The following MAML3 variants were observed in gnomAD, a reference collection of about 807,000 sequenced individuals.
MAML3 encodes the protein mastermind-like protein 3.
In MAML3, 27 loss-of-function variants were observed where a neutral mutation model predicts 101.9. The ratio of observed to expected loss-of-function variants is 0.27; its 90% CI spans 0.20 to 0.37. The LOEUF (loss-of-function observed/expected upper bound fraction) is 0.37, where lower values mean the gene tolerates loss of function less well. Ranked by LOEUF, MAML3 falls within the 10% of genes least tolerant of loss-of-function variation. The probability of loss-of-function intolerance (pLI) is 1.00; values close to 1 mark genes in which losing one functional copy is unlikely to be tolerated. For synonymous variants in MAML3, 501 were observed against 555.9 expected, an observed-to-expected ratio of 0.90 and a Z score of 1.39; for missense variants, 1,316 against 1,444.9, an observed-to-expected ratio of 0.91 and a Z score of 1.45.
chr4:139,968,152 G>A (rs940206362), intron 1 of MAML3, among the ~76,000 whole-genome samples: 8 of 151,436 alleles, frequency 5.3e-5, no homozygotes, highest in East Asian at 1.9e-4. Flanking sequence ...GGGGGCACAC[G>A]CCTATAGTCT....
chr4:139,731,827 G>C (rs1222442397), intron 2 of MAML3, among the ~76,000 whole-genome samples: 1 of 152,196 alleles, frequency 6.6e-6, no homozygotes, highest in African/African-American at 2.4e-5. Context: ...CGAAGTTTAT[G>C]CTCTGAGCTG....
At chr4:139,978,921 GAGCTCTATGACTA>G (rs1734395806) in intron 1 of MAML3, among the ~76,000 whole-genome samples, 1 of 30,784 alleles carries the variant, frequency 3.2e-5, no homozygotes, top group Non-Finnish European at 9.7e-5. Context: ...CACTTTCAAA[GAGCTCTATGACTA>G]CTTTCAAAGA....
intron 2 of MAML3, among the ~76,000 whole-genome samples, chr4:139,816,791 A>G (rs375888364): frequency 1.3e-5 from 2 of 152,062 alleles, no homozygotes; most frequent in East Asian, 1.9e-4. Flanking sequence ...AAAGGGAGAA[A>G]AAGACCTAGA....
intron 1 of MAML3, among the ~76,000 whole-genome samples, chr4:140,039,489 C>A (rs997331230): frequency 6.6e-6 from 1 of 152,202 alleles, no homozygotes; most frequent in African/African-American, 2.4e-5. Flanking sequence ...CATTACCATT[C>A]TCTGAATCAC....
At chr4:139,737,363 G>T (rs374737400) in intron 2 of MAML3, among the ~76,000 whole-genome samples, 2 of 71,584 alleles carry the variant, frequency 2.8e-5, no homozygotes, top group African/African-American at 8.1e-5. Context: ...AACTTGTCTG[G>T]TGGTGGCGTC....
chr4:139,851,673 T>C (rs1043836798), intron 2 of MAML3, among the ~76,000 whole-genome samples: 1 of 152,134 alleles, frequency 6.6e-6, no homozygotes, highest in Non-Finnish European at 1.5e-5. Context: ...AAGTGGAAAA[T>C]GGATTTTGTG....
chr4:139,999,840 G>A (rs1004995593), intron 1 of MAML3, among the ~76,000 whole-genome samples: 2 of 152,162 alleles, frequency 1.3e-5, no homozygotes, highest in Non-Finnish European at 2.9e-5. Context: ...TAAGCCATTT[G>A]GGGCCTCAGT....
intron 2 of MAML3, among the ~76,000 whole-genome samples, chr4:139,745,826 A>G (rs1440415580): frequency 1.3e-5 from 2 of 152,236 alleles, no homozygotes; most frequent in Non-Finnish European, 1.5e-5. Context: ...GTAGGTATAT[A>G]CTGTGAATAT....
chr4:139,926,190 A>G (rs1733255559), intron 1 of MAML3, among the ~76,000 whole-genome samples: 1 of 152,232 alleles, frequency 6.6e-6, no homozygotes. Flanking sequence ...TCTACAAACA[A>G]GTGGAAACAA....
At chr4:139,865,177 G>C (rs1032521612) in intron 2 of MAML3, among the ~76,000 whole-genome samples, 11 of 152,002 alleles carry the variant, frequency 7.2e-5, no homozygotes, top group African/African-American at 2.7e-4. Context: ...TCTCTGTCTA[G>C]CTAAAAATTC....
At chr4:140,079,508 G>T (rs1320659972) in intron 1 of MAML3, among the ~76,000 whole-genome samples, 1 of 152,044 alleles carries the variant, frequency 6.6e-6, no homozygotes, top group Non-Finnish European at 1.5e-5. Flanking sequence ...TGGCCAGGAT[G>T]GTCTCAAACT....
chr4:139,805,472 A>T (rs1364810017), intron 2 of MAML3, among the ~76,000 whole-genome samples: 2 of 152,200 alleles, frequency 1.3e-5, no homozygotes, highest in Non-Finnish European at 2.9e-5. Flanking sequence ...CCCTCTTTTT[A>T]AAAATGCCAC....
intron 1 of MAML3, among the ~76,000 whole-genome samples, chr4:140,015,342 T>C (rs1248074102): frequency 6.6e-6 from 1 of 152,228 alleles, no homozygotes; most frequent in Non-Finnish European, 1.5e-5. Flanking sequence ...CTGTTTTGCA[T>C]AAGTCCTGAA....
intron 2 of MAML3, among the ~76,000 whole-genome samples, chr4:139,750,471 G>A (rs957681699): frequency 2.6e-5 from 4 of 152,104 alleles, no homozygotes; most frequent in African/African-American, 9.7e-5. Flanking sequence ...GTGCAGTTTT[G>A]GGCTTTCTTC....
At chr4:140,056,673 G>A (rs867271464) in intron 1 of MAML3, among the ~76,000 whole-genome samples, 3 of 151,906 alleles carry the variant, frequency 2.0e-5, no homozygotes, top group African/African-American at 7.3e-5. Flanking sequence ...AGCCAGGGGT[G>A]GTGGTGGGCG....
chr4:139,875,917 A>C (rs907447526), intron 2 of MAML3, among the ~76,000 whole-genome samples: 6 of 7,658 alleles, frequency 7.8e-4, no homozygotes, highest in Admixed American at 1.4e-3. Flanking sequence ...CACAAACAGC[A>C]AAAAAAAAAA....
chr4:139,873,234 G>A (rs1732049397), intron 2 of MAML3, among the ~76,000 whole-genome samples: 1 of 152,178 alleles, frequency 6.6e-6, no homozygotes, highest in African/African-American at 2.4e-5. Context: ...GGACTGCTAA[G>A]TGAAAGAAAA....
intron 1 of MAML3, among the ~76,000 whole-genome samples, chr4:140,070,795 G>A (rs1422023217): frequency 1.3e-5 from 2 of 152,192 alleles, no homozygotes; most frequent in Non-Finnish European, 2.9e-5. Flanking sequence ...ACTTGATTGA[G>A]ACTTGCACAC....
rs946706713 is a variant in MAML3 at position 140,012,848 on chromosome 4, G to A, written c.469-121881C>T. ...ACCACTAATCAATTAGAAATACAGC[G>A]CCGGTTAACTCAGGTTTCTACCCTC... On this transcript the variant is annotated intron_variant, in intron 1 of 4. Coordinates refer to ENST00000509479, the MANE Select transcript of MAML3 (RefSeq NM_018717.5). Among the ~76,000 whole-genome samples, 9 of 152,228 alleles carry A rather than the reference G, an allele frequency of 5.9e-5. No homozygotes were observed. The South Asian group carries it at 1.0e-3, about 18-fold the overall frequency.
Sources: allele counts gnomAD v4.1 joint callset (sites outside exome capture counted in the v4.1 genomes callset), GRCh38; gene constraint gnomAD v4.1.1; transcripts MANE v1.5; gene names NCBI Gene and HGNC (gene_info 2026-07-23, HGNC 2026-07-21).